SLC39A10: variants seen among roughly 807,000 people sequenced by gnomAD.
SLC39A10 encodes zinc transporter ZIP10.
In SLC39A10, 13 loss-of-function variants were observed where a neutral mutation model predicts 65.1. That is an observed-to-expected ratio of 0.20 (90% CI 0.13 to 0.32). The LOEUF (loss-of-function observed/expected upper bound fraction) is 0.32, where lower values mean the gene tolerates loss of function less well. Ranked by LOEUF, SLC39A10 falls within the 10% of genes least tolerant of loss-of-function variation. The pLI is 1.00. For missense variants in SLC39A10, 831 were observed against 1,018.4 expected (o/e 0.82, Z 2.50); for synonymous variants, 321 against 342.2 (o/e 0.94, Z 0.68).
At chr2:195,710,412 A>T (rs1478588525) in intron 5 of SLC39A10, among the ~76,000 whole-genome samples, 1 of 152,218 alleles carries the variant, frequency 6.6e-6, no homozygotes, top group Non-Finnish European at 1.5e-5. Context: ...CAAGATCTTA[A>T]AGATGTGCAG....
At chr2:195,635,375 T>C (rs926713928) in intron 2 of SLC39A10, among the ~76,000 whole-genome samples, 3 of 152,228 alleles carry the variant, frequency 2.0e-5, no homozygotes, top group African/African-American at 7.2e-5. Flanking sequence ...CAGTGGTCCA[T>C]GGAACCTGGG....
chr2:195,718,359 G>C, intron 8 of SLC39A10, 27 bp downstream of exon 8: 5 of 1,533,438 alleles, frequency 3.3e-6, no homozygotes, highest in Non-Finnish European at 3.6e-6. Context: ...AATTTTACCA[G>C]ATTTCATCAA....
intron 3 of SLC39A10, among the ~76,000 whole-genome samples, chr2:195,705,486 A>T (rs1691366836): frequency 6.6e-6 from 1 of 152,178 alleles, no homozygotes; most frequent in Admixed American, 6.5e-5. Flanking sequence ...TTTTATTGAT[A>T]AAGTTCAGCC....
chr2:195,735,712 T>C lies in SLC39A10; in HGVS notation c.*671T>C, dbSNP rs1332954578. ...ATTGTATGTTTGTGTGAGCTTCAGT[T>C]TAATGAAAGATTCATAATGGTTCTT... On this transcript the variant is annotated 3_prime_UTR_variant, in exon 10 of 10. Coordinates refer to ENST00000359634, the MANE Select transcript of SLC39A10 (RefSeq NM_020342.3). The C allele has an allele frequency of 6.6e-6, 1 of 152,596 alleles. No individual in the cohort carries two copies. The highest frequency in any genetic ancestry group is 1.5e-5 in the Non-Finnish European group (1 of 68,020). The allele number at this position is 152,596 out of a possible 1,614,324, so 9.5% of individuals were successfully genotyped here.
chr2:195,676,380 G>A (rs1210131232), intron 1 of SLC39A10, among the ~76,000 whole-genome samples: 1 of 150,478 alleles, frequency 6.6e-6, no homozygotes, highest in East Asian at 1.9e-4. Context: ...TTTTTATAGT[G>A]TCCTTTATTA....
chr2:195,677,094 T>G (rs1690120318), intron 1 of SLC39A10, among the ~76,000 whole-genome samples: 1 of 152,210 alleles, frequency 6.6e-6, no homozygotes, highest in Non-Finnish European at 1.5e-5. Flanking sequence ...AACTTTGTAT[T>G]GAAATAGACT....
At chr2:195,722,644 T>C (rs1402886989) in intron 8 of SLC39A10, among the ~76,000 whole-genome samples, 1 of 152,174 alleles carries the variant, frequency 6.6e-6, no homozygotes, top group East Asian at 1.9e-4. Context: ...CCTCTATAGG[T>C]TGAGTTAGAA....
intron 1 of SLC39A10, among the ~76,000 whole-genome samples, chr2:195,662,851 GC>G (rs1348022551): frequency 6.6e-6 from 1 of 152,146 alleles, no homozygotes; most frequent in Non-Finnish European, 1.5e-5. Flanking sequence ...AGCTGCTCTT[GC>G]GGTAAAATAC....
chr2:195,617,700 G>GTTTATTTTATTTTAT (rs542710118), intron 2 of SLC39A10, among the ~76,000 whole-genome samples: 22 of 97,628 alleles, frequency 2.3e-4, no homozygotes, highest in Non-Finnish European at 2.9e-4. Context: ...GTGAGACCTT[G>GTTTATTTTATTTTAT]TTTCTTTTCT....
Position 195,735,544 on chromosome 2 carries a change from CAT to C in SLC39A10, c.*505_*506del, listed in dbSNP as rs1429083548. 3 of 152,554 alleles carry C rather than the reference CAT, an allele frequency of 2.0e-5. No individual in the cohort carries two copies. The highest frequency in any genetic ancestry group is 3.9e-4 in the East Asian group (2 of 5,192). 9.5% of individuals were successfully genotyped at this position (152,554 alleles called of 1,614,324 possible). A position where few individuals can be genotyped will look rare whatever the true frequency, so the allele number is the denominator to read the frequency against. ...CAACTTTGAAACTGCATAAAGTAGACATAGGAACTAGAGGAAAGCTCAGGCTG... is the reference window on the plus strand; with the variant it reads ...CAACTTTGAAACTGCATAAAGTAGACAGGAACTAGAGGAAAGCTCAGGCTG... On this transcript the variant is annotated 3_prime_UTR_variant, in exon 10 of 10. Coordinates refer to ENST00000359634, the MANE Select transcript of SLC39A10 (RefSeq NM_020342.3).
At chr2:195,699,414 G>A (rs1216757269) in intron 3 of SLC39A10, among the ~76,000 whole-genome samples, 1 of 151,610 alleles carries the variant, frequency 6.6e-6, no homozygotes, top group African/African-American at 2.4e-5. Flanking sequence ...TTTTTCATGT[G>A]AGTGTTAATA....
intron 2 of SLC39A10, among the ~76,000 whole-genome samples, chr2:195,634,374 A>G (rs1243275592): frequency 6.6e-6 from 1 of 151,742 alleles, no homozygotes; most frequent in East Asian, 1.9e-4. Context: ...CATCCCCTTA[A>G]GTGTTCTCAT....
At chr2:195,668,941 G>A (rs1421017871) in intron 1 of SLC39A10, among the ~76,000 whole-genome samples, 1 of 152,046 alleles carries the variant, frequency 6.6e-6, no homozygotes, top group Non-Finnish European at 1.5e-5. Flanking sequence ...AAATTAGCCA[G>A]GCAGGCGCCT....
At chr2:195,665,785 C>A (rs373899766) in intron 1 of SLC39A10, among the ~76,000 whole-genome samples, 14 of 152,078 alleles carry the variant, frequency 9.2e-5, no homozygotes, top group African/African-American at 3.1e-4. Context: ...ATAACATGTT[C>A]ATTACTTGCA....
chr2:195,619,869 C>CA (rs1688314317), intron 2 of SLC39A10, among the ~76,000 whole-genome samples: 1 of 152,014 alleles, frequency 6.6e-6, no homozygotes, highest in African/African-American at 2.4e-5. Context: ...GTGTGGCCTC[C>CA]AGGACTTTAT....
intron 1 of SLC39A10, among the ~76,000 whole-genome samples, chr2:195,673,214 T>C (rs372227094): frequency 6.6e-6 from 1 of 152,260 alleles, no homozygotes; most frequent in East Asian, 1.9e-4. Context: ...ATGTCTCTTA[T>C]TGCCCAGGCT....
intron 1 of SLC39A10, among the ~76,000 whole-genome samples, chr2:195,678,764 G>A (rs1328357427): frequency 6.6e-6 from 1 of 151,960 alleles, no homozygotes; most frequent in Non-Finnish European, 1.5e-5. Context: ...AGGATGTGCT[G>A]TAAGTGTAAA....
intron 7 of SLC39A10, 125 bp downstream of exon 7, chr2:195,717,130 G>C (rs1691844437): frequency 7.5e-7 from 1 of 1,336,386 alleles, no homozygotes; most frequent in Non-Finnish European, 1.0e-6. Flanking sequence ...TTTCCCAAAG[G>C]CTACAGTTTT....
At chr2:195,669,703 T>G (rs991980964) in intron 1 of SLC39A10, among the ~76,000 whole-genome samples, 7 of 152,122 alleles carry the variant, frequency 4.6e-5, no homozygotes, top group Non-Finnish European at 7.4e-5. Flanking sequence ...AGCCTATAGT[T>G]AAGGTTTTTG....
Sources: gnomAD v4.1 joint callset for allele counts (sites outside exome capture counted in the v4.1 genomes callset) on GRCh38, gnomAD v4.1.1 for gene constraint, MANE v1.5 for transcripts, NCBI Gene and HGNC (gene_info 2026-07-23, HGNC 2026-07-21) for gene names.